The following ZNF214 variants were observed in gnomAD, a reference collection of about 807,000 sequenced individuals.
ZNF214 encodes zinc finger protein 214, also known as BWSCR2-associated zinc finger protein 1.
Under a neutral mutation model 53.9 loss-of-function variants are expected in ZNF214, and 43 were observed. That is an observed-to-expected ratio of 0.80 (90% CI 0.63 to 1.03). The LOEUF (loss-of-function observed/expected upper bound fraction) is 1.03. Ranked by LOEUF, ZNF214 falls within the 50% of genes least tolerant of loss-of-function variation. ZNF214 has a pLI of 0.00. For synonymous variants in ZNF214, 217 were observed against 229.5 expected, an observed-to-expected ratio of 0.95 and a Z score of 0.49; for missense variants, 724 against 719.1, an observed-to-expected ratio of 1.01 and a Z score of -0.08.
At chr11:7,006,573 C>A (rs997837577) in intron 1 of ZNF214, among the ~76,000 whole-genome samples, 4 of 151,892 alleles carry the variant, frequency 2.6e-5, no homozygotes, top group African/African-American at 9.7e-5. Context: ...ACATTATTGA[C>A]CTTTTATTGT....
chr11:7,012,783 A>G (rs1851636410), intron 1 of ZNF214, among the ~76,000 whole-genome samples: 2 of 152,350 alleles, frequency 1.3e-5, no homozygotes, highest in Non-Finnish European at 2.9e-5. Flanking sequence ...AGTGAAACAT[A>G]AGGCCAGTAA....
chr11:7,015,851 T>C (rs1316653937), intron 1 of ZNF214: 2 of 152,174 alleles, frequency 1.3e-5, no homozygotes, highest in African/African-American at 2.4e-5. Flanking sequence ...TAATAAGGAC[T>C]CTGCAATTCA....
intron 1 of ZNF214, among the ~76,000 whole-genome samples, chr11:7,014,811 A>C (rs563217872): frequency 1.1e-4 from 16 of 148,112 alleles, no homozygotes; most frequent in African/African-American, 3.9e-4. Context: ...TAACAAAAAA[A>C]AAAAAAAACA....
At chr11:7,019,598 T>G (rs1851862584) in intron 1 of ZNF214, 1 of 152,142 alleles carries the variant, frequency 6.6e-6, no homozygotes, top group Non-Finnish European at 1.5e-5. Flanking sequence ...CAGGTCCTGA[T>G]CAAAGTCTCA....
chr11:7,004,839 A>G (rs1222679134), intron 1 of ZNF214, among the ~76,000 whole-genome samples: 1 of 152,112 alleles, frequency 6.6e-6, no homozygotes, highest in Admixed American at 6.6e-5. Flanking sequence ...CTTCACTGCA[A>G]CTTCATGAGA....
chr11:7,006,337 C>T (rs773773320), intron 1 of ZNF214, among the ~76,000 whole-genome samples: 2 of 152,024 alleles, frequency 1.3e-5, no homozygotes, highest in Non-Finnish European at 2.9e-5. Flanking sequence ...ATTATATAAA[C>T]TTGATATCTC....
chr11:6,997,655 T>C lies in ZNF214; in HGVS notation c.*2207A>G, dbSNP rs1851218750. 6.6e-6 allele frequency among the ~76,000 whole-genome samples: 1 copy of C among 151,408 alleles called. No individual in the cohort carries two copies. The highest frequency in any genetic ancestry group is 1.5e-5 in the Non-Finnish European group (1 of 67,788). ...AAAATGTTATTATGAGTCCCTGCTATTTAAGATCAGAAATGTGGCACTTAT... is the reference window on the plus strand; with the variant it reads ...AAAATGTTATTATGAGTCCCTGCTACTTAAGATCAGAAATGTGGCACTTAT... On this transcript the variant is annotated 3_prime_UTR_variant, in exon 3 of 3. Coordinates refer to ENST00000278314, the MANE Select transcript of ZNF214 (RefSeq NM_013249.4).
At chr11:7,015,903 G>A (rs187165801) in intron 1 of ZNF214, 50 of 152,100 alleles carry the variant, frequency 3.3e-4, no homozygotes, top group African/African-American at 1.1e-3. Context: ...CAATGGAAAC[G>A]GGTACAAATC....
chr11:7,017,119 A>T (rs1191179742), intron 1 of ZNF214, among the ~76,000 whole-genome samples: 2 of 152,208 alleles, frequency 1.3e-5, no homozygotes, highest in East Asian at 3.8e-4. Context: ...CAATTCATCA[A>T]AGAAGGAATA....
At chr11:7,006,550 T>A (rs1313577807) in intron 1 of ZNF214, among the ~76,000 whole-genome samples, 1 of 152,060 alleles carries the variant, frequency 6.6e-6, no homozygotes, top group East Asian at 1.9e-4. Context: ...CCTTGATGGA[T>A]CTTAACTATT....
intron 1 of ZNF214, among the ~76,000 whole-genome samples, chr11:7,018,495 C>CTGTTTTTTTT (rs1851827960): frequency 1.6e-5 from 1 of 61,876 alleles, no homozygotes; most frequent in Non-Finnish European, 2.9e-5. Context: ...AATGTTAAGA[C>CTGTTTTTTTT]TTTTTTTTTT....
intron 1 of ZNF214, among the ~76,000 whole-genome samples, chr11:7,018,497 T>TTTTTTTTG (rs1462446939): frequency 5.2e-5 from 1 of 19,118 alleles, no homozygotes; most frequent in Non-Finnish European, 1.4e-4. Context: ...TGTTAAGACT[T>TTTTTTTTG]TTTTTTTTTT....
intron 1 of ZNF214, among the ~76,000 whole-genome samples, chr11:7,014,804 C>CAAAAAAA (rs1280725156): frequency 3.1e-5 from 2 of 64,194 alleles, no homozygotes; most frequent in East Asian, 4.8e-4. Flanking sequence ...CTGTCTCTAA[C>CAAAAAAA]AAAAAAAAAA....
chr11:7,009,462 CTG>C (rs1309590496), intron 1 of ZNF214, among the ~76,000 whole-genome samples: 1 of 152,074 alleles, frequency 6.6e-6, no homozygotes, highest in Non-Finnish European at 1.5e-5. Context: ...AAACCTAAAA[CTG>C]TAAAAACCCT....
At chr11:7,003,123 T>C (rs1012991889) in intron 1 of ZNF214, among the ~76,000 whole-genome samples, 2 of 152,038 alleles carry the variant, frequency 1.3e-5, no homozygotes, top group African/African-American at 2.4e-5. Context: ...AATCCCATGT[T>C]GTAGGTAGCT....
chr11:6,999,724 C>G lies in ZNF214; in HGVS notation c.*138G>C. ...AGATCTCCTTTTGAAGCAAATAATTCTTAGTGGGAGATAGGGGAAACTATA... is the reference window on the plus strand; with the variant it reads ...AGATCTCCTTTTGAAGCAAATAATTGTTAGTGGGAGATAGGGGAAACTATA... On this transcript the variant is annotated 3_prime_UTR_variant, in exon 3 of 3. Transcript: ENST00000278314. 1.1e-6 allele frequency: 1 copy of G among 905,436 alleles called. No individual in the cohort carries two copies. The highest frequency in any genetic ancestry group is 1.6e-6 in the Non-Finnish European group (1 of 639,294). The allele number at this position is 905,436 out of a possible 1,614,324, so 56.1% of individuals were successfully genotyped here.
At position 7,001,169 on chromosome 11, in the gene ZNF214, A is replaced by G; in HGVS notation, c.514T>C (p.Ser172Pro). ...FQGGRYRLGI[S>P]RKNLSMEKEQ... ...TTTTCCATGGAGAGGTTTTTCCTGG[A>G]TATGCCAAGACGGTATCTGCCCCCT... The change falls in exon 3 of 3, where the codon TCC becomes CCC. Residue 172 changes from serine (S) to proline (P), a missense_variant. Transcript: ENST00000278314. The G allele has an allele frequency of 6.2e-7, 1 of 1,613,306 alleles. No individual in the cohort carries two copies. Among genetic ancestry groups the G allele is most frequent in the Non-Finnish European group, 8.5e-7 (1 of 1,179,540 alleles).
At chr11:7,005,068 A>G (rs892563857) in intron 1 of ZNF214, among the ~76,000 whole-genome samples, 2 of 152,056 alleles carry the variant, frequency 1.3e-5, no homozygotes, top group Middle Eastern at 3.2e-3. Context: ...GCTACAACAT[A>G]TAGCAAAAGA....
At position 7,000,037 on chromosome 11, in the gene ZNF214, G is replaced by T. The variant is rs1851284503; in HGVS notation, c.1646C>A (p.Thr549Lys). ...AGCACATTGATAAGGCTTCTCTCCTGTATGGACCCTCTGATGAATGTGAAG... is the reference window on the plus strand; with the variant it reads ...AGCACATTGATAAGGCTTCTCTCCTTTATGGACCCTCTGATGAATGTGAAG... ...SNLHIHQRVH[T>K]GEKPYQCAKC... Residue 549 changes from threonine to lysine, a missense_variant, in exon 3 of 3, where the codon ACA becomes AAA. Physicochemically the swap from Thr to Lys is moderately conservative, Grantham distance 78. Coordinates refer to ENST00000278314, the MANE Select transcript of ZNF214 (RefSeq NM_013249.4). 1 of 1,613,240 alleles carries T rather than the reference G, an allele frequency of 6.2e-7. No homozygotes were observed. Among genetic ancestry groups the T allele is most frequent in the African/African-American group, 1.3e-5 (1 of 74,930 alleles).
Sources: allele counts gnomAD v4.1 joint callset (sites outside exome capture counted in the v4.1 genomes callset), GRCh38; gene constraint gnomAD v4.1.1; transcripts MANE v1.5; gene names NCBI Gene and HGNC (gene_info 2026-07-23, HGNC 2026-07-21).